Variants in BIRC2 observed in about 807,000 individuals in gnomAD.
The protein encoded by BIRC2 is baculoviral IAP repeat containing 2, also known as baculoviral IAP repeat-containing protein 2.
A neutral mutation model predicts 60.9 loss-of-function variants in BIRC2; 18 were observed. The observed-to-expected ratio is 0.30, with a 90% CI of 0.20 to 0.44. The LOEUF is 0.44. BIRC2 is among the 20% of genes least tolerant of loss of function. BIRC2 has a pLI of 1.00. For missense variants in BIRC2, 701 were observed against 728.5 expected (o/e 0.96, Z 0.43); for synonymous variants, 282 against 247.7 (o/e 1.14, Z -1.30).
At chr11:102,362,602 A>C (rs34517100) in intron 3 of BIRC2, 2 of 255,588 alleles carry the variant, frequency 7.8e-6, no homozygotes, top group African/African-American at 4.4e-5. Context: ...TAGATTGTGT[A>C]TAATAGTGTT....
At chr11:102,375,779 C>CA (rs1278393063) in intron 6 of BIRC2, among the ~76,000 whole-genome samples, 6,381 of 74,456 alleles carry the variant, frequency 0.086, 193 homozygotes, top group Non-Finnish European at 0.12. Context: ...GACTCCATCT[C>CA]AAAAAAAAAA....
At chr11:102,352,102 CTTT>C (rs769740458) in intron 3 of BIRC2, among the ~76,000 whole-genome samples, 1 of 137,570 alleles carries the variant, frequency 7.3e-6, no homozygotes. Context: ...TTGTCTTTCT[CTTT>C]TTTTTTTTTT....
rs1951322650 is a variant in BIRC2 at position 102,349,044 on chromosome 11, A to G, written c.-811A>G. 6.5e-6 allele frequency: 1 copy of G among 153,106 alleles called. No individual in the cohort carries two copies. The highest frequency in any genetic ancestry group is 2.4e-5 in the African/African-American group (1 of 41,474). The allele number at this position is 153,106 out of a possible 1,614,324, so 9.5% of individuals were successfully genotyped here. On this transcript the variant is annotated 5_prime_UTR_variant, in exon 2 of 9. Transcript: ENST00000227758. ...TCAGTTGATCAAGAATAATAGTGGT[A>G]TACAAAGTTAGGAAGAAAGTCAACA...
chr11:102,355,229 A>G (rs771398284), intron 3 of BIRC2, among the ~76,000 whole-genome samples: 7 of 151,946 alleles, frequency 4.6e-5, no homozygotes, highest in Non-Finnish European at 8.8e-5. Flanking sequence ...AAGGAATTTT[A>G]TGGTTTCTGG....
intron 3 of BIRC2, among the ~76,000 whole-genome samples, chr11:102,359,701 C>G (rs1258539533): frequency 6.6e-6 from 1 of 152,202 alleles, no homozygotes; most frequent in African/African-American, 2.4e-5. Context: ...GAGAAATCCA[C>G]TTGTGGTCTT....
At chr11:102,377,475 C>T in intron 6 of BIRC2, 21 bp from the exon 7 acceptor site, 2 of 1,572,110 alleles carry the variant, frequency 1.3e-6, no homozygotes, top group Non-Finnish European at 1.7e-6. Flanking sequence ...TAATGGATTT[C>T]TTTTTCTTTT....
Position 102,378,177 on chromosome 11 carries a change from C to A in BIRC2, c.1851C>A (p.Leu617=). 1.3e-6 allele frequency: 2 copies of A among 1,578,282 alleles called. No individual in the cohort carries two copies. Among genetic ancestry groups the A allele is most frequent in the Admixed American group, 2.0e-5 (1 of 50,210 alleles). ...GIIKGTVRTF[L]S is the part of the protein sequence containing the mutation. ...TCAAGGGTACTGTTCGTACATTTCTCTCTTAAAGAAAAATAGTCTATATTT... is the reference window on the plus strand; with the variant it reads ...TCAAGGGTACTGTTCGTACATTTCTATCTTAAAGAAAAATAGTCTATATTT... The change falls in exon 9 of 9, where the codon CTC becomes CTA. Residue 617 remains leucine (L), a synonymous_variant. Coordinates refer to ENST00000227758, the MANE Select transcript of BIRC2 (RefSeq NM_001166.5).
intron 3 of BIRC2, among the ~76,000 whole-genome samples, chr11:102,359,138 G>T (rs1483248176): frequency 6.6e-6 from 1 of 152,032 alleles, no homozygotes; most frequent in Non-Finnish European, 1.5e-5. Flanking sequence ...CTACTTTGTG[G>T]CTATCATGAG....
Position 102,374,857 on chromosome 11 carries a change from T to A in BIRC2, c.1367-2639T>A, listed in dbSNP as rs369352503. Among the ~76,000 whole-genome samples, 140 of 152,320 alleles carry A rather than the reference T, an allele frequency of 9.2e-4. 1 individual carries two copies. The highest frequency in any genetic ancestry group is 3.3e-3 in the African/African-American group (138 of 41,576). ...AGGACCCTCCGAGCCAGGTGTGGGA[T>A]ATAATCTCTTGGTTCGCCGTTTTTT... On this transcript the variant is annotated intron_variant, in intron 6 of 8. Coordinates refer to ENST00000227758, the MANE Select transcript of BIRC2 (RefSeq NM_001166.5).
intron 6 of BIRC2, among the ~76,000 whole-genome samples, chr11:102,373,424 T>C (rs1202178704): frequency 2.0e-5 from 3 of 152,056 alleles, no homozygotes; most frequent in East Asian, 3.9e-4. Context: ...CCTTCACTTA[T>C]GAAGCTTAGT....
rs1299716808 is a variant in BIRC2 at position 102,377,586 on chromosome 11, A to G, written c.1457A>G (p.Asn486Ser). The G allele has an allele frequency of 8.7e-6, 14 of 1,611,654 alleles. No homozygotes were observed. The East Asian group carries it at 1.1e-4, about 13-fold the overall frequency. Residue 486 changes from asparagine to serine, a missense_variant, in exon 7 of 9, where the codon AAT becomes AGT. By Grantham distance (46) the Asn-to-Ser change is conservative (BLOSUM62 1). This residue lies in a region of BIRC2 where 235 missense variants were observed against 208.9 expected (regional missense o/e 1.12). Transcript: ENST00000227758. ...ATCCTGGATAATCTTTTAAAGGCCA[A>G]TGTAATTAATAAACAGGAACATGAT... ...LPILDNLLKA[N>S]VINKQEHDII...
intron 3 of BIRC2, among the ~76,000 whole-genome samples, chr11:102,353,085 GACTT>G (rs1331704022): frequency 6.6e-6 from 1 of 152,040 alleles, no homozygotes; most frequent in Non-Finnish European, 1.5e-5. Context: ...ACTTTTAAAT[GACTT>G]AATTATGTTG....
At chr11:102,354,445 G>A (rs1951397854) in intron 3 of BIRC2, among the ~76,000 whole-genome samples, 1 of 152,204 alleles carries the variant, frequency 6.6e-6, no homozygotes, top group Admixed American at 6.5e-5. Flanking sequence ...CTGATCTCAA[G>A]TGATCCACCC....
intron 3 of BIRC2, among the ~76,000 whole-genome samples, chr11:102,360,888 G>T (rs530214552): frequency 2.0e-5 from 3 of 151,744 alleles, no homozygotes; most frequent in Non-Finnish European, 4.4e-5. Flanking sequence ...GCCCAGCATT[G>T]TGAACTCCAT....
At chr11:102,352,627 C>T (rs1378020280) in intron 3 of BIRC2, among the ~76,000 whole-genome samples, 2 of 152,080 alleles carry the variant, frequency 1.3e-5, no homozygotes, top group Non-Finnish European at 2.9e-5. Context: ...GACAGGGTTT[C>T]ACCATGTTGG....
chr11:102,360,332 A>G (rs1157239926), intron 3 of BIRC2, among the ~76,000 whole-genome samples: 2 of 148,922 alleles, frequency 1.3e-5, no homozygotes, highest in African/African-American at 4.9e-5. Flanking sequence ...GGCTTTCTCC[A>G]CTATTCTTTT....
At chr11:102,365,743 AGTGTGTGTGT>A (rs34130638) in intron 5 of BIRC2, among the ~76,000 whole-genome samples, 6 of 147,666 alleles carry the variant, frequency 4.1e-5, no homozygotes, top group African/African-American at 7.5e-5. Flanking sequence ...CATTCAGCTA[AGTGTGTGTGT>A]GTGTGTGTGT....
chr11:102,351,642 A>AAAAG, intron 3 of BIRC2, among the ~76,000 whole-genome samples: 1 of 146,614 alleles, frequency 6.8e-6, no homozygotes, highest in Non-Finnish European at 1.5e-5. Context: ...AAAAAAGAAA[A>AAAAG]AAGCATATCT....
At chr11:102,376,043 A>T (rs908316958) in intron 6 of BIRC2, among the ~76,000 whole-genome samples, 1 of 152,048 alleles carries the variant, frequency 6.6e-6, no homozygotes, top group African/African-American at 2.4e-5. Flanking sequence ...AGAAAAGTCA[A>T]TTTAAGGATT....
Sources: allele counts gnomAD v4.1 joint callset (sites outside exome capture counted in the v4.1 genomes callset), GRCh38; gene constraint gnomAD v4.1.1; regional missense constraint gnomAD v4.1.1; transcripts MANE v1.5; gene names NCBI Gene and HGNC (gene_info 2026-07-23, HGNC 2026-07-21).